GALNT14: variants seen among roughly 807,000 people sequenced by gnomAD.
The protein encoded by GALNT14 is polypeptide N-acetylgalactosaminyltransferase 14.
GALNT14 carries 60 observed loss-of-function variants against 77.5 expected under a neutral mutation model. The ratio of observed to expected loss-of-function variants is 0.77; its 90% CI spans 0.63 to 0.96. The LOEUF (loss-of-function observed/expected upper bound fraction) is 0.96. Among genes scored for constraint, GALNT14 ranks in the 40% least tolerant of loss-of-function variants. The pLI is 0.00. For missense variants in GALNT14, 710 were observed against 731.0 expected, an observed-to-expected ratio of 0.97 and a Z score of 0.33; for synonymous variants, 280 against 281.7, an observed-to-expected ratio of 0.99 and a Z score of 0.06.
At chr2:31,131,996 T>C (rs1174921619) in intron 1 of GALNT14, among the ~76,000 whole-genome samples, 1 of 152,216 alleles carries the variant, frequency 6.6e-6, no homozygotes, top group African/African-American at 2.4e-5. Flanking sequence ...CTGGTATTTC[T>C]TTCCAAAAAC....
intron 1 of GALNT14, among the ~76,000 whole-genome samples, chr2:31,044,713 T>C (rs1234930341): frequency 6.6e-6 from 1 of 151,152 alleles, no homozygotes; most frequent in Non-Finnish European, 1.5e-5. Flanking sequence ...AGTCTAGGAG[T>C]TCAGAACCAG....
chr2:30,952,826 T>G (rs1465584224), intron 6 of GALNT14, among the ~76,000 whole-genome samples: 2 of 152,076 alleles, frequency 1.3e-5, no homozygotes, highest in African/African-American at 4.8e-5. Flanking sequence ...TTCCAAAATG[T>G]CTGCAATGAC....
At chr2:30,963,820 A>G (rs897729963) in intron 3 of GALNT14, among the ~76,000 whole-genome samples, 7 of 152,158 alleles carry the variant, frequency 4.6e-5, no homozygotes, top group African/African-American at 1.7e-4. Context: ...TCTTTGATCA[A>G]GCATTTATTC....
chr2:30,924,037 G>A (rs1665197276), intron 13 of GALNT14, 82 bp downstream of exon 13: 1 of 1,476,128 alleles, frequency 6.8e-7, no homozygotes, highest in Non-Finnish European at 9.4e-7. Context: ...TGTCATGTAA[G>A]AGCAGGTGAT....
chr2:31,130,253 T>G (rs1033714790), intron 1 of GALNT14, among the ~76,000 whole-genome samples: 1 of 152,238 alleles, frequency 6.6e-6, no homozygotes, highest in African/African-American at 2.4e-5. Flanking sequence ...CTCCTGCTGA[T>G]AGAAAGGCCA....
At chr2:30,977,107 T>TTTTTTTTTTTTTTTTG (rs1668679732) in intron 2 of GALNT14, among the ~76,000 whole-genome samples, 2 of 150,538 alleles carry the variant, frequency 1.3e-5, no homozygotes, top group African/African-American at 4.9e-5. Context: ...TTTTTTTTTT[T>TTTTTTTTTTTTTTTTG]GAGACAGGGT....
At chr2:30,958,305 T>C in intron 4 of GALNT14, 92 bp downstream of exon 4, 1 of 1,109,926 alleles carries the variant, frequency 9.0e-7, no homozygotes, top group Non-Finnish European at 1.4e-6. Context: ...TTTTCCCCAT[T>C]CCCAGAAAAC....
intron 1 of GALNT14, among the ~76,000 whole-genome samples, chr2:31,046,642 T>C (rs1036449485): frequency 9.2e-5 from 14 of 152,234 alleles, no homozygotes; most frequent in Non-Finnish European, 1.5e-4. Flanking sequence ...GAATGTAGTA[T>C]GGAAACTTAT....
At chr2:31,057,128 C>G (rs1674260429) in intron 1 of GALNT14, among the ~76,000 whole-genome samples, 1 of 151,730 alleles carries the variant, frequency 6.6e-6, no homozygotes. Context: ...GGGACTACTA[C>G]TAGACAGGAG....
chr2:31,121,023 C>T (rs1225338689), intron 1 of GALNT14, among the ~76,000 whole-genome samples: 1 of 152,232 alleles, frequency 6.6e-6, no homozygotes, highest in Non-Finnish European at 1.5e-5. Flanking sequence ...ATCTGCCAGC[C>T]TCTGTGCTTG....
chr2:30,975,346 C>G (rs1001784921), intron 2 of GALNT14, among the ~76,000 whole-genome samples: 8 of 152,210 alleles, frequency 5.3e-5, no homozygotes, highest in South Asian at 2.1e-4. Flanking sequence ...ACCCTCTTCT[C>G]CTAGACATGC....
chr2:30,897,466 G>A, the GALNT14 span, among the ~76,000 whole-genome samples: 1 of 152,176 alleles, frequency 6.6e-6, no homozygotes. Flanking sequence ...GAATTCAGGC[G>A]CGAGAGCTGA....
rs568701012 is a variant in GALNT14 at position 30,944,243 on chromosome 2, C to T, written c.827+615G>A. Among the ~76,000 whole-genome samples, 5 of 152,282 alleles carry T rather than the reference C, an allele frequency of 3.3e-5. No homozygotes were observed. In the East Asian group the frequency reaches 9.7e-4, roughly 29 times the overall value. ...GGTGACCACTATGCTCTACTCTACC[C>T]CAAGCCCTCAGTTGGTCCCCAGGCC... On this transcript the variant is annotated intron_variant, in intron 8 of 14. Coordinates refer to ENST00000349752, the MANE Select transcript of GALNT14 (RefSeq NM_024572.4).
downstream of GALNT14, among the ~76,000 whole-genome samples, chr2:30,906,650 C>T (rs374515309): frequency 4.0e-3 from 602 of 151,820 alleles, 7 homozygotes; most frequent in South Asian, 0.029. Flanking sequence ...GACAGATCAA[C>T]GAGACAGAAA....
intron 2 of GALNT14, 63 bp from the exon 3 acceptor site, chr2:30,966,365 G>T: frequency 8.0e-7 from 1 of 1,252,144 alleles, no homozygotes; most frequent in Non-Finnish European, 1.2e-6. Context: ...TGGAGGGCTA[G>T]AACCGAGGGC....
chr2:30,979,790 C>T (rs1023252364), intron 2 of GALNT14, among the ~76,000 whole-genome samples: 4 of 152,160 alleles, frequency 2.6e-5, no homozygotes, highest in East Asian at 3.9e-4. Context: ...GCCCTCAGCA[C>T]TCCATCCTGT....
chr2:31,104,399 T>C (rs1003543057), intron 1 of GALNT14, among the ~76,000 whole-genome samples: 5 of 152,172 alleles, frequency 3.3e-5, no homozygotes, highest in Non-Finnish European at 5.9e-5. Flanking sequence ...CATCTCTAAA[T>C]ACTCCAGTGC....
chr2:30,955,754 A>T lies in GALNT14; in HGVS notation c.533-15T>A. 1 of 1,613,840 alleles carries T rather than the reference A, an allele frequency of 6.2e-7. No individual in the cohort carries two copies. Among genetic ancestry groups the T allele is most frequent in the Non-Finnish European group, 8.5e-7 (1 of 1,179,928 alleles). ...CCGGACCAGACCTGCAGTCAGGAAC[A>T]AATGACGAAGTGGGTGCCACTGTCA... On this transcript the variant is annotated splice_polypyrimidine_tract_variant and intron_variant, in intron 5 of 14. Coordinates refer to ENST00000349752, the MANE Select transcript of GALNT14 (RefSeq NM_024572.4).
chr2:31,009,809 T>G (rs1253106215), intron 1 of GALNT14, among the ~76,000 whole-genome samples: 2 of 152,172 alleles, frequency 1.3e-5, no homozygotes, highest in African/African-American at 4.8e-5. Context: ...CTCACTCTAA[T>G]CACTTGAACC....
Sources: allele counts gnomAD v4.1 joint callset (sites outside exome capture counted in the v4.1 genomes callset), GRCh38; gene constraint gnomAD v4.1.1; transcripts MANE v1.5; gene names NCBI Gene and HGNC (gene_info 2026-07-23, HGNC 2026-07-21).